The following FLT1 variants were observed in gnomAD, a reference collection of about 807,000 sequenced individuals.
The protein encoded by FLT1 is fms related receptor tyrosine kinase 1.
FLT1 carries 49 observed loss-of-function variants against 156.3 expected under a neutral mutation model. That is an observed-to-expected ratio of 0.31 (90% CI 0.25 to 0.40). The LOEUF is 0.40. FLT1 is among the 10% of genes least tolerant of loss of function. The pLI is 1.00. For missense variants in FLT1, 1,322 were observed against 1,637.2 expected (o/e 0.81, Z 3.32); for synonymous variants, 594 against 583.8 (o/e 1.02, Z -0.25).
At chr13:28,466,262 A>G (rs1307061452) in intron 3 of FLT1, among the ~76,000 whole-genome samples, 1 of 152,248 alleles carries the variant, frequency 6.6e-6, no homozygotes, top group Middle Eastern at 3.2e-3. Context: ...AAGGAAGAAC[A>G]GTATCATAAA....
chr13:28,486,440 G>A (rs769995630), intron 1 of FLT1, among the ~76,000 whole-genome samples: 6 of 152,368 alleles, frequency 3.9e-5, no homozygotes, highest in Non-Finnish European at 8.8e-5. Context: ...ACGGAGGCCC[G>A]GATGGAGAGG....
At chr13:28,368,099 A>C (rs1198994510) in intron 14 of FLT1, 1 of 731,176 alleles carries the variant, frequency 1.4e-6, no homozygotes. Context: ...CAATTAATGC[A>C]TGTATGTTAA....
rs530604441 is a variant in FLT1 at position 28,355,670 on chromosome 13, A to G, written c.2248+1884T>C. 2.8e-4 allele frequency among the ~76,000 whole-genome samples: 42 copies of G among 152,330 alleles called. 1 individual carries two copies. In the South Asian group the frequency reaches 6.6e-3, roughly 24 times the overall value. On this transcript the variant is annotated intron_variant, in intron 15 of 29. Transcript: ENST00000282397. ...GGAGCCTACTCCAGGATGCACTAACATCACAAACAGAGGCCACGCTTGGCG... is the reference window on the plus strand; with the variant it reads ...GGAGCCTACTCCAGGATGCACTAACGTCACAAACAGAGGCCACGCTTGGCG...
At chr13:28,386,330 AAT>A (rs1593731588) in intron 13 of FLT1, 1 of 1,014,192 alleles carries the variant, frequency 9.9e-7, no homozygotes, top group East Asian at 5.6e-5. Flanking sequence ...TTATCACATA[AAT>A]TTTATAACAT....
intron 10 of FLT1, among the ~76,000 whole-genome samples, chr13:28,417,134 C>G (rs1876699520): frequency 6.6e-6 from 1 of 152,206 alleles, no homozygotes; most frequent in African/African-American, 2.4e-5. Flanking sequence ...GCAGAACATC[C>G]AGGCACTAGC....
rs534563249 is a variant in FLT1, at chr13:28,422,895, T to G, written c.1436+4264A>C. Among the ~76,000 whole-genome samples the G allele has an allele frequency of 6.6e-5, 10 of 152,338 alleles. No homozygotes were observed. In the South Asian group the frequency reaches 1.7e-3, roughly 25 times the overall value. ...TCCTGGGTTCCTGAAATCCACCCTT[T>G]CCATTCCACAGAGAAGGTCCCCTTC... On this transcript the variant is annotated intron_variant, in intron 10 of 29. Coordinates refer to ENST00000282397, the MANE Select transcript of FLT1 (RefSeq NM_002019.4).
intron 12 of FLT1, among the ~76,000 whole-genome samples, chr13:28,393,855 G>A (rs999213723): frequency 6.6e-6 from 1 of 152,164 alleles, no homozygotes. Flanking sequence ...CCAAAGTGCT[G>A]GGATGACAGG....
intron 12 of FLT1, 122 bp from the exon 13 acceptor site, chr13:28,390,226 A>G: frequency 7.4e-7 from 1 of 1,344,086 alleles, no homozygotes; most frequent in South Asian, 1.3e-5. Flanking sequence ...AAAAAGGATG[A>G]GTATTTGGGG....
intron 3 of FLT1, among the ~76,000 whole-genome samples, chr13:28,444,406 A>C (rs1878496752): frequency 6.6e-6 from 1 of 152,060 alleles, no homozygotes; most frequent in South Asian, 2.1e-4. Flanking sequence ...ACACCACTGC[A>C]CTCCAGCCTG....
At chr13:28,484,101 A>G (rs987560720) in intron 1 of FLT1, among the ~76,000 whole-genome samples, 3 of 152,218 alleles carry the variant, frequency 2.0e-5, no homozygotes, top group Non-Finnish European at 2.9e-5. Context: ...GTTAACACAG[A>G]AAGTGCCCTG....
At chr13:28,468,699 C>T (rs1879985131) in intron 1 of FLT1, among the ~76,000 whole-genome samples, 1 of 152,128 alleles carries the variant, frequency 6.6e-6, no homozygotes, top group Non-Finnish European at 1.5e-5. Context: ...CACCTCCCCC[C>T]TTCTCTTGTT....
At chr13:28,407,757 A>C (rs1376304558) in intron 10 of FLT1, among the ~76,000 whole-genome samples, 1 of 152,220 alleles carries the variant, frequency 6.6e-6, no homozygotes, top group Non-Finnish European at 1.5e-5. Flanking sequence ...AGGTAAAATA[A>C]ATGAACATTT....
chr13:28,449,268 C>T (rs1395256499), intron 3 of FLT1, among the ~76,000 whole-genome samples: 7 of 152,196 alleles, frequency 4.6e-5, no homozygotes, highest in Non-Finnish European at 1.0e-4. Context: ...AAGACCCTGT[C>T]TCTAAGAAAA....
intron 17 of FLT1, among the ~76,000 whole-genome samples, chr13:28,336,131 T>C (rs548242077): frequency 5.9e-5 from 9 of 152,304 alleles, no homozygotes; most frequent in African/African-American, 1.9e-4. Flanking sequence ...CTTTGCACTT[T>C]CCATAGTTTC....
At position 28,319,543 on chromosome 13, in the gene FLT1, G is replaced by C. The variant is rs1318198089; in HGVS notation, c.3175-9C>G. 1.6e-5 allele frequency: 25 copies of C among 1,551,128 alleles called. No individual in the cohort carries two copies. Among genetic ancestry groups the C allele is most frequent in the Non-Finnish European group, 2.2e-5 (25 of 1,123,500 alleles). The stretch of plus-strand genomic sequence containing the variant: ...TTCAGAGGAAGTCGAGTCTAGAAGA[G>C]GGCAAGGGGGCCTTGAGCAGAAGGG... On this transcript the variant is annotated splice_polypyrimidine_tract_variant and intron_variant, in intron 23 of 29. Coordinates refer to ENST00000282397, the MANE Select transcript of FLT1 (RefSeq NM_002019.4).
rs150352284 is a variant in FLT1, at chr13:28,340,851, A to T, written c.2356-1551T>A. Among the ~76,000 whole-genome samples, 978 of 149,466 alleles carry T rather than the reference A, an allele frequency of 6.5e-3. 9 individuals are homozygous for T. The highest frequency in any genetic ancestry group is 0.023 in the African/African-American group (946 of 40,898). ...TAAAGGATGAGAAGCAAAAAACGATATGGAGCACGTTTGTCACAAACTGTG... is the reference window on the plus strand; with the variant it reads ...TAAAGGATGAGAAGCAAAAAACGATTTGGAGCACGTTTGTCACAAACTGTG... On this transcript the variant is annotated intron_variant, in intron 16 of 29. Transcript: ENST00000282397.
intron 15 of FLT1, among the ~76,000 whole-genome samples, chr13:28,357,191 C>T (rs1832041618): frequency 6.6e-6 from 1 of 151,428 alleles, no homozygotes; most frequent in African/African-American, 2.4e-5. Flanking sequence ...CCTCACCTAC[C>T]CCCCTCCCTT....
chr13:28,436,059 C>T (rs986032289), intron 4 of FLT1, among the ~76,000 whole-genome samples: 13 of 152,150 alleles, frequency 8.5e-5, no homozygotes, highest in African/African-American at 2.9e-4. Context: ...AAATTTCCTC[C>T]GAAGTGTTTC....
chr13:28,340,076 G>A (rs1872271391), intron 16 of FLT1, among the ~76,000 whole-genome samples: 1 of 152,134 alleles, frequency 6.6e-6, no homozygotes, highest in African/African-American at 2.4e-5. Flanking sequence ...TTAGCTAGGT[G>A]TGGTGGTACA....
Sources: gnomAD v4.1 joint callset for allele counts (sites outside exome capture counted in the v4.1 genomes callset) on GRCh38, gnomAD v4.1.1 for gene constraint, MANE v1.5 for transcripts, NCBI Gene and HGNC (gene_info 2026-07-23, HGNC 2026-07-21) for gene names.